Variants in TTC28 observed in about 807,000 individuals in gnomAD.
TTC28 encodes tetratricopeptide repeat protein 28.
TTC28 carries 61 observed loss-of-function variants against 198.0 expected under a neutral mutation model. That is an observed-to-expected ratio of 0.31 (90% CI 0.25 to 0.38). The LOEUF (loss-of-function observed/expected upper bound fraction) is 0.38. TTC28 is among the 10% of genes least tolerant of loss of function. TTC28 has a pLI of 1.00. For missense variants in TTC28, 2,678 were observed against 3,164.0 expected (o/e 0.85, Z 3.69); for synonymous variants, 1,171 against 1,297.8 (o/e 0.90, Z 2.10).
intron 5 of TTC28, among the ~76,000 whole-genome samples, chr22:28,169,159 A>G (rs1922367961): frequency 6.6e-6 from 1 of 152,232 alleles, no homozygotes; most frequent in Admixed American, 6.5e-5. Context: ...CGATCATTAA[A>G]AAGTCAGGAA....
intron 2 of TTC28, among the ~76,000 whole-genome samples, chr22:28,406,358 T>C (rs1376501534): frequency 2.6e-5 from 4 of 152,210 alleles, no homozygotes; most frequent in Non-Finnish European, 5.9e-5. Flanking sequence ...TATCTCCACA[T>C]GCACCAACTG....
intron 2 of TTC28, among the ~76,000 whole-genome samples, chr22:28,368,678 G>C (rs2046284591): frequency 6.6e-6 from 1 of 152,010 alleles, no homozygotes. Flanking sequence ...TATTAGAACT[G>C]ATAAACAAAT....
At chr22:28,621,742 T>TAAAAAAAAAAAAAAAAAA (rs771463983) in intron 2 of TTC28, among the ~76,000 whole-genome samples, 2 of 76,154 alleles carry the variant, frequency 2.6e-5, no homozygotes, top group Admixed American at 1.6e-4. Context: ...GACTGTCTCT[T>TAAAAAAAAAAAAAAAAAA]AAAAAAAAAA....
At chr22:28,220,453 C>T (rs963686200) in intron 5 of TTC28, among the ~76,000 whole-genome samples, 6 of 152,214 alleles carry the variant, frequency 3.9e-5, no homozygotes, top group African/African-American at 1.4e-4. Context: ...GGAGGATCTG[C>T]TTCCCTGCTT....
chr22:28,274,709 G>A (rs1330370856), intron 5 of TTC28, among the ~76,000 whole-genome samples: 1 of 152,122 alleles, frequency 6.6e-6, no homozygotes, highest in Non-Finnish European at 1.5e-5. Context: ...GGCTGGGCCT[G>A]GTGGCTCACG....
chr22:28,502,215 A>G (rs1233806214), intron 2 of TTC28, among the ~76,000 whole-genome samples: 1 of 152,210 alleles, frequency 6.6e-6, no homozygotes, highest in Non-Finnish European at 1.5e-5. Flanking sequence ...GTATAGCATA[A>G]TCCCCATTAT....
At chr22:28,536,484 C>T (rs1285601700) in intron 2 of TTC28, among the ~76,000 whole-genome samples, 1 of 151,738 alleles carries the variant, frequency 6.6e-6, no homozygotes, top group Non-Finnish European at 1.5e-5. Context: ...ATTAGCCAGA[C>T]GTGGTGGCAG....
chr22:28,098,860 G>A (rs1204910146), intron 10 of TTC28, 55 bp downstream of exon 10: 13 of 1,526,332 alleles, frequency 8.5e-6, no homozygotes, highest in South Asian at 1.2e-5. Context: ...ACATGGACGC[G>A]CACCCGTGCG....
chr22:28,587,043 G>A (rs576558211), intron 2 of TTC28, among the ~76,000 whole-genome samples: 1 of 152,218 alleles, frequency 6.6e-6, no homozygotes, highest in Non-Finnish European at 1.5e-5. Context: ...CCAACATGGT[G>A]AAACCCTGTC....
At chr22:28,201,436 G>GA (rs1364862779) in intron 5 of TTC28, among the ~76,000 whole-genome samples, 1 of 152,040 alleles carries the variant, frequency 6.6e-6, no homozygotes, top group Admixed American at 6.6e-5. Flanking sequence ...AGGCTTATCA[G>GA]AGAAACTGAG....
intron 2 of TTC28, among the ~76,000 whole-genome samples, chr22:28,483,355 A>T (rs943416156): frequency 6.6e-5 from 10 of 152,198 alleles, no homozygotes; most frequent in Non-Finnish European, 1.0e-4. Flanking sequence ...ACACTATTTT[A>T]TATAGGGTGG....
chr22:28,338,869 C>A (rs974989272), intron 2 of TTC28, among the ~76,000 whole-genome samples: 1 of 152,170 alleles, frequency 6.6e-6, no homozygotes, highest in Non-Finnish European at 1.5e-5. Flanking sequence ...CTTCTTCTCT[C>A]AACTTGTCAA....
At chr22:28,419,000 T>C (rs1601370816) in intron 2 of TTC28, among the ~76,000 whole-genome samples, 1 of 152,184 alleles carries the variant, frequency 6.6e-6, no homozygotes, top group Non-Finnish European at 1.5e-5. Flanking sequence ...AGACAGACTC[T>C]GTAGGAGCAG....
At chr22:28,571,968 A>C (rs1302547302) in intron 2 of TTC28, among the ~76,000 whole-genome samples, 1 of 151,020 alleles carries the variant, frequency 6.6e-6, no homozygotes, top group African/African-American at 2.4e-5. Flanking sequence ...AAAAAAAAAA[A>C]CAAACAAAAA....
chr22:28,105,655 A>G lies in TTC28; in HGVS notation c.2931T>C (p.Ile977=). 6.4e-7 allele frequency: 1 copy of G among 1,552,010 alleles called. No individual in the cohort carries two copies. The highest frequency in any genetic ancestry group is 2.4e-5 in the East Asian group (1 of 40,914). Residue 977 remains isoleucine, a synonymous_variant, in exon 8 of 23, where the codon ATT becomes ATC. Transcript: ENST00000397906. ...TGTTCAGCTGGCGTTCAAGGCAGGA[A>G]ATGGCTTGTTCGTAATTCCCTAATT... The part of the protein sequence containing the change: ...HSQLGNYEQA[I]SCLERQLNIA...
intron 2 of TTC28, among the ~76,000 whole-genome samples, chr22:28,567,638 C>T (rs1002932909): frequency 6.6e-6 from 1 of 150,834 alleles, no homozygotes; most frequent in Admixed American, 6.6e-5. Context: ...GTCAAACTAT[C>T]AAGAATTAGG....
rs536478624 is a variant in TTC28 at position 27,996,205 on chromosome 22, C to T, written c.5174G>A (p.Gly1725Asp). The change falls in exon 17 of 23, where the codon GGC (glycine) becomes GAC (aspartate). Residue 1725 changes from glycine (G) to aspartate (D), a missense_variant. By Grantham distance (94) the Gly-to-Asp change is moderately conservative. This residue lies in a region of TTC28 where 314 missense variants were observed against 442.7 expected (regional missense o/e 0.71). Transcript: ENST00000397906. The stretch of plus-strand genomic sequence containing the variant: ...CTGCAGGATCTCTGTGAGGGCCTGG[C>T]CGATGAGTGATGAGGGGCTGTTCAG... ...VKLNSPSSLI[G>D]QALTEILQHP... 1.3e-6 allele frequency: 2 copies of T among 1,551,114 alleles called. No individual in the cohort carries two copies. The highest frequency in any genetic ancestry group is 1.4e-5 in the African/African-American group (1 of 73,072).
At chr22:28,013,915 G>A (rs191942685) in intron 14 of TTC28, among the ~76,000 whole-genome samples, 18 of 152,250 alleles carry the variant, frequency 1.2e-4, no homozygotes, top group Admixed American at 9.8e-4. Flanking sequence ...TCACTCTGTT[G>A]GGCAGGCTGG....
chr22:28,189,885 T>C (rs1008303386), intron 5 of TTC28, among the ~76,000 whole-genome samples: 1 of 152,194 alleles, frequency 6.6e-6, no homozygotes, highest in Non-Finnish European at 1.5e-5. Context: ...AAGAGTGCCA[T>C]CATAATTAGT....
Sources: allele counts gnomAD v4.1 joint callset (sites outside exome capture counted in the v4.1 genomes callset), GRCh38; gene constraint gnomAD v4.1.1; regional missense constraint gnomAD v4.1.1; transcripts MANE v1.5; gene names NCBI Gene and HGNC (gene_info 2026-07-23, HGNC 2026-07-21).